Variants in NHSL1 observed in about 807,000 individuals in gnomAD.
The protein encoded by NHSL1 is NHS-like protein 1.
NHSL1 carries 48 observed loss-of-function variants against 95.0 expected under a neutral mutation model. The observed-to-expected ratio is 0.51, with a 90% CI of 0.40 to 0.64. NHSL1 has a LOEUF of 0.64. Ranked by LOEUF, NHSL1 falls within the 30% of genes least tolerant of loss-of-function variation. NHSL1 has a pLI of 0.00. For synonymous variants in NHSL1, 783 were observed against 833.9 expected (o/e 0.94, Z 1.05); for missense variants, 1,971 against 2,077.7 (o/e 0.95, Z 1.00).
At chr6:138,625,641 T>TAAA (rs57534545) in intron 1 of NHSL1, among the ~76,000 whole-genome samples, 16 of 138,820 alleles carry the variant, frequency 1.2e-4, no homozygotes, top group Admixed American at 2.2e-4. Context: ...CTTTTTTAAT[T>TAAA]AAAAAAAAAA....
intron 1 of NHSL1, among the ~76,000 whole-genome samples, chr6:138,544,105 C>T (rs1055971518): frequency 6.6e-6 from 1 of 152,106 alleles, no homozygotes; most frequent in African/African-American, 2.4e-5. Flanking sequence ...AGTAACAATT[C>T]CACAACCGTA....
At chr6:138,638,549 T>C (rs1784918420) in intron 1 of NHSL1, among the ~76,000 whole-genome samples, 1 of 152,204 alleles carries the variant, frequency 6.6e-6, no homozygotes, top group Non-Finnish European at 1.5e-5. Flanking sequence ...AAGAAAAGTA[T>C]ACTTACTGTC....
intron 1 of NHSL1, among the ~76,000 whole-genome samples, chr6:138,673,115 C>G (rs115627591): frequency 4.6e-4 from 70 of 151,982 alleles, no homozygotes; most frequent in African/African-American, 1.6e-3. Context: ...GCTCAAATAT[C>G]AAGAAAAAAT....
Position 138,430,886 on chromosome 6 carries a change from C to G in NHSL1, c.3459G>C (p.Ala1153=), listed in dbSNP as rs1289496579. Residue 1153 remains alanine (A), a synonymous_variant, in exon 6 of 8, where the codon GCG becomes GCC. Coordinates refer to ENST00000343505, the MANE Select transcript of NHSL1 (RefSeq NM_001144060.2). This position sits in a 1 kb window ranked among gnomAD's most constrained non-coding sequence, Gnocchi z 4.7. Reference sequence around the variant, plus strand: ...GGCTCACAGGGCCACCACGCTCAGCCGCACTGCCATGGTCACCCTGACTCG... The same window carrying G: ...GGCTCACAGGGCCACCACGCTCAGCGGCACTGCCATGGTCACCCTGACTCG... ...KSSSQGDHGS[A]AERGGPVSRS... 4 of 1,551,414 alleles carry G rather than the reference C, an allele frequency of 2.6e-6. No individual in the cohort carries two copies. The Admixed American group carries it at 7.8e-5, about 30-fold the overall frequency.
intron 1 of NHSL1, among the ~76,000 whole-genome samples, chr6:138,505,652 C>CAAAA (rs10559023): frequency 8.0e-5 from 7 of 87,698 alleles, no homozygotes; most frequent in East Asian, 3.3e-4. Context: ...GACTCCATTT[C>CAAAA]AAAAAAAAAA....
intron 1 of NHSL1, among the ~76,000 whole-genome samples, chr6:138,588,981 T>C (rs1296799650): frequency 3.3e-5 from 5 of 152,126 alleles, no homozygotes; most frequent in Non-Finnish European, 5.9e-5. Context: ...TGCTTGTAGT[T>C]GACCAGCAGG....
chr6:138,533,879 TG>T (rs2128318013), intron 1 of NHSL1, among the ~76,000 whole-genome samples: 1 of 152,344 alleles, frequency 6.6e-6, no homozygotes, highest in African/African-American at 2.4e-5. Flanking sequence ...AGAAGCTACA[TG>T]GGATGCTTAT....
At chr6:138,596,114 C>T (rs559569445) in intron 1 of NHSL1, among the ~76,000 whole-genome samples, 2 of 152,270 alleles carry the variant, frequency 1.3e-5, no homozygotes, top group South Asian at 2.1e-4. Flanking sequence ...GGTCTGAATG[C>T]CTTCCAGTAG....
At chr6:138,585,288 T>G (rs1784117772) in intron 1 of NHSL1, among the ~76,000 whole-genome samples, 1 of 152,082 alleles carries the variant, frequency 6.6e-6, no homozygotes, top group Non-Finnish European at 1.5e-5. Context: ...AGGGAGATAT[T>G]TCACTCATGC....
intron 1 of NHSL1, among the ~76,000 whole-genome samples, chr6:138,606,084 G>C (rs1647238442): frequency 6.6e-6 from 1 of 152,162 alleles, no homozygotes; most frequent in African/African-American, 2.4e-5. Flanking sequence ...ACTGCAAAGT[G>C]CTTTGTGTAT....
chr6:138,557,259 A>G (rs1309480170), intron 1 of NHSL1, among the ~76,000 whole-genome samples: 1 of 152,352 alleles, frequency 6.6e-6, no homozygotes, highest in Non-Finnish European at 1.5e-5. Context: ...TTATCAACGG[A>G]TCATTTTGCT....
chr6:138,655,657 A>G (rs190574678), intron 1 of NHSL1, among the ~76,000 whole-genome samples: 21 of 152,356 alleles, frequency 1.4e-4, no homozygotes, highest in African/African-American at 4.6e-4. Context: ...TACAATGAGT[A>G]TTAAGTTTAT....
intron 1 of NHSL1, among the ~76,000 whole-genome samples, chr6:138,683,276 A>T (rs1460223127): frequency 2.0e-5 from 3 of 152,140 alleles, no homozygotes; most frequent in Admixed American, 2.0e-4. Context: ...TTTTGTGTTT[A>T]TCTCTGACAC....
intron 3 of NHSL1, among the ~76,000 whole-genome samples, chr6:138,463,348 C>T (rs1268481178): frequency 2.0e-5 from 3 of 152,076 alleles, no homozygotes; most frequent in Non-Finnish European, 4.4e-5. Context: ...TTTACTATGG[C>T]TAATTAGGTC....
intron 1 of NHSL1, among the ~76,000 whole-genome samples, chr6:138,591,297 C>T (rs1398471021): frequency 6.6e-6 from 1 of 152,114 alleles, no homozygotes; most frequent in Non-Finnish European, 1.5e-5. Flanking sequence ...TTAAAGTAGT[C>T]CCTCCCCTTT....
chr6:138,429,220 T>C (rs757785850), intron 7 of NHSL1, among the ~76,000 whole-genome samples: 1 of 152,248 alleles, frequency 6.6e-6, no homozygotes, highest in Non-Finnish European at 1.5e-5. Flanking sequence ...TACTCTTTTA[T>C]AGAAACACTT....
rs1472041606 is a variant in NHSL1 at position 138,430,903 on chromosome 6, C to T, written c.3442G>A (p.Gly1148Ser). 6.4e-7 allele frequency: 1 copy of T among 1,551,538 alleles called. No individual in the cohort carries two copies. Among genetic ancestry groups the T allele is most frequent in the Non-Finnish European group, 8.7e-7 (1 of 1,146,874 alleles). Residue 1148 changes from glycine (G) to serine (S), a missense_variant, in exon 6 of 8, where the codon GGT (glycine) becomes AGT (serine). Coordinates refer to ENST00000343505, the MANE Select transcript of NHSL1 (RefSeq NM_001144060.2). This position sits in a 1 kb window ranked among gnomAD's most constrained non-coding sequence, Gnocchi z 4.7. ...LPTPAKSSSQGDHGSAAERGG... is the reference protein window; with the variant it reads ...LPTPAKSSSQSDHGSAAERGG... ...CGCTCAGCCGCACTGCCATGGTCAC[C>T]CTGACTCGAGCTCTTGGCAGGCGTC...
chr6:138,550,992 T>C (rs1293113919), intron 1 of NHSL1, among the ~76,000 whole-genome samples: 1 of 152,212 alleles, frequency 6.6e-6, no homozygotes, highest in Non-Finnish European at 1.5e-5. Flanking sequence ...TTTCAGTACT[T>C]TCAGTTACCC....
intron 1 of NHSL1, among the ~76,000 whole-genome samples, chr6:138,610,539 T>TAAAAAAAAAA (rs1390403525): frequency 2.8e-4 from 32 of 114,532 alleles, no homozygotes; most frequent in African/African-American, 1.5e-3. Context: ...AAAAGTATAA[T>TAAAAAAAAAA]AATAAAAAAA....
Sources: gnomAD v4.1 joint callset for allele counts (sites outside exome capture counted in the v4.1 genomes callset) on GRCh38, gnomAD v4.1.1 for gene constraint, Gnocchi (gnomAD v3.1) non-coding constraint, MANE v1.5 for transcripts, NCBI Gene and HGNC (gene_info 2026-07-23, HGNC 2026-07-21) for gene names.